The following ASTL variants were observed in gnomAD, a reference collection of about 807,000 sequenced individuals.
The protein encoded by ASTL is astacin like metalloendopeptidase.
Under a neutral mutation model 36.7 loss-of-function variants are expected in ASTL, and 27 were observed. The observed-to-expected ratio is 0.73, with a 90% CI of 0.54 to 1.01. The LOEUF is 1.01. Among genes scored for constraint, ASTL ranks in the 50% least tolerant of loss-of-function variants. The pLI, the probability that ASTL is intolerant of heterozygous loss-of-function variation, is 0.00. For missense variants in ASTL, 524 were observed against 572.8 expected (o/e 0.91, Z 0.87); for synonymous variants, 222 against 228.1 (o/e 0.97, Z 0.24).
At position 96,123,149 on chromosome 2, in the gene ASTL, G is replaced by T. The variant is rs1681991781; in HGVS notation, c.*701C>A. On this transcript the variant is annotated 3_prime_UTR_variant, in exon 9 of 9. Coordinates refer to ENST00000342380, the MANE Select transcript of ASTL (RefSeq NM_001002036.4). ...CCTTTCTCCTTCCAAGGCTGCGCCT[G>T]GCTGAGCTCCAGGGAATAGCGGTGT... Among the ~76,000 whole-genome samples, 1 of 152,264 alleles carries T rather than the reference G, an allele frequency of 6.6e-6. No homozygotes were observed.
At chr2:96,126,486 G>A (rs1308767723) in intron 8 of ASTL, among the ~76,000 whole-genome samples, 2 of 152,228 alleles carry the variant, frequency 1.3e-5, no homozygotes, top group Non-Finnish European at 2.9e-5. Context: ...TAACCAAAAT[G>A]ATAGATAAGA....
At chr2:96,135,434 G>C in intron 2 of ASTL, 22 bp from the exon 3 acceptor site, 2 of 1,612,226 alleles carry the variant, frequency 1.2e-6, no homozygotes, top group Non-Finnish European at 1.7e-6. Context: ...AGAAGGACGT[G>C]TTGGCCCATG....
At chr2:96,134,903 G>A (rs940424038) in intron 3 of ASTL, among the ~76,000 whole-genome samples, 3 of 152,164 alleles carry the variant, frequency 2.0e-5, no homozygotes, top group South Asian at 2.1e-4. Flanking sequence ...CTTCAGATGC[G>A]GCCCCTCGAC....
At position 96,123,217 on chromosome 2, in the gene ASTL, G is replaced by A. The variant is rs778905420; in HGVS notation, c.*633C>T. Among the ~76,000 whole-genome samples, 30 of 152,248 alleles carry A rather than the reference G, an allele frequency of 2.0e-4. No homozygotes were observed. The highest frequency in any genetic ancestry group is 2.4e-4 in the Non-Finnish European group (16 of 68,040). ...GTCCTCTGTTCAGGGGCCAGCTGAG[G>A]TTCCCATTGTGCAATCTGGTGGGGC... On this transcript the variant is annotated 3_prime_UTR_variant, in exon 9 of 9. Transcript: ENST00000342380.
chr2:96,132,727 G>C lies in ASTL; in HGVS notation c.456-6C>G. ...GCCCCACACTCGAGAAGCACCTGCAGGGTGATGAGAGCAAGTGGGGTAAGT... is the reference window on the plus strand; with the variant it reads ...GCCCCACACTCGAGAAGCACCTGCACGGTGATGAGAGCAAGTGGGGTAAGT... On this transcript the variant is annotated splice_polypyrimidine_tract_variant and splice_region_variant and intron_variant, in intron 5 of 8. Coordinates refer to ENST00000342380, the MANE Select transcript of ASTL (RefSeq NM_001002036.4). This position sits in a 1 kb window ranked among gnomAD's most constrained non-coding sequence, Gnocchi z 5.4. 6.2e-7 allele frequency: 1 copy of C among 1,603,764 alleles called. No individual in the cohort carries two copies.
At position 96,129,944 on chromosome 2, in the gene ASTL, T is replaced by C. The variant is rs1483585346; in HGVS notation, c.754A>G (p.Thr252Ala). 3.1e-6 allele frequency: 5 copies of C among 1,604,968 alleles called. No homozygotes were observed. Among genetic ancestry groups the C allele is most frequent in the Middle Eastern group, 1.7e-4 (1 of 5,722 alleles). Residue 252 changes from threonine (T) to alanine (A), a missense_variant, in exon 8 of 9, where the codon ACA becomes GCA. Thr to Ala is a moderately conservative substitution (Grantham distance 58). Coordinates refer to ENST00000342380, the MANE Select transcript of ASTL (RefSeq NM_001002036.4). ...TGGACACTGGGGGCCCAAAGTGGTG[T>C]GATGGTGGGCAGCCCACGCCGGCTG... ...AFSRRGLPTI[T>A]PLWAPSVHIG... is the part of the protein sequence containing the mutation.
In ASTL at chr2:96,132,808, C is replaced by G. The variant is rs1026356757; in HGVS notation, c.456-87G>C. On this transcript the variant is annotated intron_variant, in intron 5 of 8. Transcript: ENST00000342380. The surrounding 1 kb of genome is among the most constrained non-coding windows in gnomAD (Gnocchi z 5.4). The stretch of plus-strand genomic sequence containing the variant: ...CTGGGCTCTCCCTCCCCACACAACA[C>G]AAGATAGACAAACTCCCAACAGGCA... 1.6e-6 allele frequency: 2 copies of G among 1,253,426 alleles called. No homozygotes were observed. The highest frequency in any genetic ancestry group is 2.2e-6 in the Non-Finnish European group (2 of 909,172). The allele number at this position is 1,253,426 out of a possible 1,614,324, so 77.6% of individuals were successfully genotyped here.
chr2:96,137,929 G>A (rs913534885), intron 1 of ASTL, among the ~76,000 whole-genome samples: 8 of 152,170 alleles, frequency 5.3e-5, no homozygotes, highest in Non-Finnish European at 8.8e-5. Flanking sequence ...GACCAAAAGG[G>A]ACCATGTGCC....
rs1464375353 is a variant in ASTL at position 96,138,486 on chromosome 2, C to G, written c.-50G>C. 6.5e-7 allele frequency: 1 copy of G among 1,527,758 alleles called. No homozygotes were observed. The highest frequency in any genetic ancestry group is 1.2e-5 in the South Asian group (1 of 86,514). The allele number at this position is 1,527,758 out of a possible 1,614,324, so 94.6% of individuals were successfully genotyped here. ...CAAACAAGACCAAGCCCCAGCAAGACACAGTAACCTAATTGCAGAACCGGC... is the reference window on the plus strand; with the variant it reads ...CAAACAAGACCAAGCCCCAGCAAGAGACAGTAACCTAATTGCAGAACCGGC... On this transcript the variant is annotated 5_prime_UTR_variant, in exon 1 of 9. Transcript: ENST00000342380.
At chr2:96,134,541 G>A (rs1043140462) in intron 3 of ASTL, among the ~76,000 whole-genome samples, 11 of 152,216 alleles carry the variant, frequency 7.2e-5, no homozygotes, top group Middle Eastern at 3.2e-3. Context: ...AGAGCCCTTC[G>A]GTGCCCAGGC....
In ASTL at chr2:96,124,985, A is replaced by T. The variant is rs952522301; in HGVS notation, c.875-714T>A. Among the ~76,000 whole-genome samples the T allele has an allele frequency of 1.3e-5, 2 of 152,186 alleles. No individual in the cohort carries two copies. The highest frequency in any genetic ancestry group is 2.9e-5 in the Non-Finnish European group (2 of 68,018). ...CCCACACCGCCCTCCAGACCTGGTC[A>T]GCACCAGGAGCTACCACCACTGCAG... On this transcript the variant is annotated intron_variant, in intron 8 of 8. Transcript: ENST00000342380. The surrounding 1 kb of genome is among the most constrained non-coding windows in gnomAD (Gnocchi z 4.1).
chr2:96,132,440 G>A lies in ASTL; in HGVS notation c.637+100C>T. ...CCCACAGGAAGCAGGCAGGTGATGG[G>A]GAGGATGGATAGCCTCACCCATGGG... is the stretch of plus-strand genomic sequence containing the variant. On this transcript the variant is annotated intron_variant, in intron 6 of 8. Coordinates refer to ENST00000342380, the MANE Select transcript of ASTL (RefSeq NM_001002036.4). The surrounding 1 kb of genome is among the most constrained non-coding windows in gnomAD (Gnocchi z 5.4). 2.8e-6 allele frequency: 3 copies of A among 1,089,964 alleles called. No individual in the cohort carries two copies. Among genetic ancestry groups the A allele is most frequent in the Non-Finnish European group, 3.9e-6 (3 of 769,606 alleles). 67.5% of individuals were successfully genotyped at this position (1,089,964 alleles called of 1,614,324 possible).
chr2:96,130,788 C>T (rs1266036912), intron 6 of ASTL, among the ~76,000 whole-genome samples: 1 of 152,238 alleles, frequency 6.6e-6, no homozygotes, highest in Non-Finnish European at 1.5e-5. Flanking sequence ...CCAGCACCTT[C>T]ATACCCCACC....
At chr2:96,133,654 G>A (rs1573915197) in intron 4 of ASTL, 112 bp from the exon 5 acceptor site, 1 of 821,184 alleles carries the variant, frequency 1.2e-6, no homozygotes, top group East Asian at 2.5e-5. Flanking sequence ...ATCAAGAAAG[G>A]GCAGCTTAGT....
Position 96,130,099 on chromosome 2 carries a change from C to T in ASTL, c.684G>A (p.Thr228=), listed in dbSNP as rs761686236. 9 of 1,613,964 alleles carry T rather than the reference C, an allele frequency of 5.6e-6. No individual in the cohort carries two copies. The highest frequency in any genetic ancestry group is 2.7e-5 in the African/African-American group (2 of 74,908). Reference sequence around the variant, plus strand: ...GCATCACAGAGGAGTAGTCATAGGGCGTCAGCATGTTGCTGCTCTGAGACT... The same window carrying T: ...GCATCACAGAGGAGTAGTCATAGGGTGTCAGCATGTTGCTGCTCTGAGACT... The part of the protein sequence containing the change: ...FIKSQSSNML[T]PYDYSSVMHY... Residue 228 remains threonine (T), a synonymous_variant, in exon 7 of 9, where the codon ACG becomes ACA. Transcript: ENST00000342380.
In ASTL at chr2:96,137,804, A is replaced by T. The variant is rs145750874; in HGVS notation, c.56-104T>A. The T allele has an allele frequency of 2.9e-4, 353 of 1,200,922 alleles. 7 individuals carry two copies. In the East Asian group the frequency reaches 8.5e-3, roughly 29 times the overall value. 74.4% of individuals were successfully genotyped at this position (1,200,922 alleles called of 1,614,324 possible). ...TGTGGGGGATCAGACGGTAAGACTC[A>T]GTCCCTAGGAAGAGTAGGCTCCAGC... is the stretch of plus-strand genomic sequence containing the variant. On this transcript the variant is annotated intron_variant, in intron 1 of 8. Coordinates refer to ENST00000342380, the MANE Select transcript of ASTL (RefSeq NM_001002036.4).
At chr2:96,129,239 TATTC>T (rs1363343550) in intron 8 of ASTL, among the ~76,000 whole-genome samples, 12 of 152,226 alleles carry the variant, frequency 7.9e-5, no homozygotes, top group African/African-American at 2.9e-4. Context: ...CTGTCAGATT[TATTC>T]CTTGGGACCT....
intron 8 of ASTL, among the ~76,000 whole-genome samples, 183 bp downstream of exon 8, chr2:96,129,641 A>G (rs1340424458): frequency 6.6e-6 from 1 of 152,216 alleles, no homozygotes; most frequent in Non-Finnish European, 1.5e-5. Flanking sequence ...CTCTTTGGTT[A>G]CAGTTGAGTC....
At chr2:96,131,513 G>A (rs1682178423) in intron 6 of ASTL, among the ~76,000 whole-genome samples, 1 of 152,080 alleles carries the variant, frequency 6.6e-6, no homozygotes, top group African/African-American at 2.4e-5. Flanking sequence ...TGTTCCACGA[G>A]CATTGGGAAG....
Sources: allele counts gnomAD v4.1 joint callset (sites outside exome capture counted in the v4.1 genomes callset), GRCh38; gene constraint gnomAD v4.1.1; non-coding constraint Gnocchi (gnomAD v3.1); transcripts MANE v1.5; gene names NCBI Gene and HGNC (gene_info 2026-07-23, HGNC 2026-07-21).